CNOT6L: variants seen among roughly 807,000 people sequenced by gnomAD.
CNOT6L encodes the protein CCR4-NOT transcription complex subunit 6 like, also known as CCR4-NOT transcription complex subunit 6-like.
A neutral mutation model predicts 64.0 loss-of-function variants in CNOT6L; 7 were observed. The observed-to-expected ratio is 0.11, with a 90% CI of 0.06 to 0.21. The LOEUF (loss-of-function observed/expected upper bound fraction) is 0.21. Among genes scored for constraint, CNOT6L ranks in the 10% least tolerant of loss-of-function variants. CNOT6L has a pLI of 1.00. For synonymous variants in CNOT6L, 193 were observed against 243.4 expected (o/e 0.79, Z 1.93); for missense variants, 245 against 669.0 (o/e 0.37, Z 6.99).
At chr4:77,755,969 TTTTTTG>T (rs1233436243) in intron 5 of CNOT6L, among the ~76,000 whole-genome samples, 2 of 152,076 alleles carry the variant, frequency 1.3e-5, no homozygotes, top group South Asian at 2.1e-4. Context: ...ATAGTCTTCT[TTTTTTG>T]TTTTTGTTTT....
intron 4 of CNOT6L, among the ~76,000 whole-genome samples, chr4:77,765,497 G>A (rs1265907984): frequency 6.6e-6 from 1 of 152,148 alleles, no homozygotes; most frequent in Non-Finnish European, 1.5e-5. Flanking sequence ...AAGATTTCAA[G>A]GAATACATTA....
intron 4 of CNOT6L, among the ~76,000 whole-genome samples, chr4:77,761,099 C>T (rs114905098): frequency 0.01 from 1,594 of 151,874 alleles, 30 homozygotes; most frequent in African/African-American, 0.036. Flanking sequence ...AAGACAGAAA[C>T]TACCAAAGCT....
At chr4:77,789,652 C>A (rs1322161162) in intron 1 of CNOT6L, among the ~76,000 whole-genome samples, 2 of 150,978 alleles carry the variant, frequency 1.3e-5, no homozygotes, top group Admixed American at 1.3e-4. Context: ...AGAGGGAAAC[C>A]CCGCCTCAAA....
At chr4:77,799,685 G>A (rs1403687918) in intron 1 of CNOT6L, among the ~76,000 whole-genome samples, 2 of 147,406 alleles carry the variant, frequency 1.4e-5, no homozygotes, top group African/African-American at 5.1e-5. Context: ...GCCTAGGTGA[G>A]GGGAGTGAAA....
chr4:77,776,174 C>G (rs1198767833), intron 2 of CNOT6L, 97 bp downstream of exon 2: 1 of 1,179,994 alleles, frequency 8.5e-7, no homozygotes, highest in Non-Finnish European at 1.2e-6. Flanking sequence ...TTCAATGAGT[C>G]CATCTAATTA....
At chr4:77,722,942 A>G (rs1309328818) in intron 11 of CNOT6L, among the ~76,000 whole-genome samples, 1 of 151,120 alleles carries the variant, frequency 6.6e-6, no homozygotes, top group Non-Finnish European at 1.5e-5. Flanking sequence ...GTATAAGTCT[A>G]TAGAACTGTA....
intron 8 of CNOT6L, among the ~76,000 whole-genome samples, chr4:77,740,493 T>C (rs571831537): frequency 2.6e-5 from 4 of 152,330 alleles, no homozygotes; most frequent in African/African-American, 9.6e-5. Flanking sequence ...TTTATTACAG[T>C]AGTTAAAAGC....
At chr4:77,770,269 G>A (rs992382496) in intron 4 of CNOT6L, among the ~76,000 whole-genome samples, 1 of 152,112 alleles carries the variant, frequency 6.6e-6, no homozygotes, top group Non-Finnish European at 1.5e-5. Flanking sequence ...AAATCTTCCA[G>A]TTTCAAGACA....
chr4:77,819,427 G>A, upstream of CNOT6L: 3 of 1,590,304 alleles, frequency 1.9e-6, no homozygotes, highest in Non-Finnish European at 2.6e-6. Flanking sequence ...CCAGAGCCGC[G>A]GCCGCAGACG....
At chr4:77,796,541 C>T (rs1335813306) in intron 1 of CNOT6L, among the ~76,000 whole-genome samples, 6 of 152,158 alleles carry the variant, frequency 3.9e-5, no homozygotes, top group Admixed American at 3.9e-4. Flanking sequence ...TCTACGTTTC[C>T]TGAGGCCTCC....
intron 1 of CNOT6L, among the ~76,000 whole-genome samples, chr4:77,790,073 TC>T (rs1729950843): frequency 6.6e-6 from 1 of 151,676 alleles, no homozygotes; most frequent in Admixed American, 6.6e-5. Flanking sequence ...TCATTCCCTC[TC>T]CCCCTCCCCC....
chr4:77,713,831 C>T lies in CNOT6L; in HGVS notation c.*6600G>A, dbSNP rs1001098971. On this transcript the variant is annotated 3_prime_UTR_variant, in exon 12 of 12. Transcript: ENST00000504123. ...TCAGTAAGAGTAGAACCACTTTCTC[C>T]AGGGATGGCAGAGAGTGTTAAATGG... is the stretch of plus-strand genomic sequence containing the variant. 3.3e-5 allele frequency: 5 copies of T among 152,460 alleles called. No homozygotes were observed. The highest frequency in any genetic ancestry group is 5.9e-5 in the Non-Finnish European group (4 of 67,998). 9.4% of individuals were successfully genotyped at this position (152,460 alleles called of 1,614,324 possible). A position where few individuals can be genotyped will look rare whatever the true frequency, so the allele number is the denominator to read the frequency against.
chr4:77,816,552 T>C (rs978121816), intron 1 of CNOT6L, among the ~76,000 whole-genome samples: 2 of 152,178 alleles, frequency 1.3e-5, no homozygotes, highest in Non-Finnish European at 1.5e-5. Context: ...CCCTCAATGA[T>C]GAGAGCTTCC....
chr4:77,746,561 C>T (rs1233735580), intron 6 of CNOT6L, among the ~76,000 whole-genome samples: 3 of 152,158 alleles, frequency 2.0e-5, no homozygotes, highest in Admixed American at 2.0e-4. Context: ...AACCCAAGAA[C>T]AGATTACTTT....
intron 1 of CNOT6L, 138 bp from the exon 2 acceptor site, chr4:77,776,530 G>T: frequency 1.6e-6 from 1 of 620,444 alleles, no homozygotes; most frequent in Non-Finnish European, 2.7e-6. Context: ...CTCACTTGCA[G>T]AAAAAGAAAA....
At chr4:77,779,607 G>T (rs1209349612) in intron 1 of CNOT6L, among the ~76,000 whole-genome samples, 2 of 151,830 alleles carry the variant, frequency 1.3e-5, no homozygotes, top group Non-Finnish European at 2.9e-5. Context: ...ACCAAAGTAA[G>T]ATCAATACTG....
At chr4:77,771,998 C>T (rs1727605742) in intron 4 of CNOT6L, among the ~76,000 whole-genome samples, 1 of 152,170 alleles carries the variant, frequency 6.6e-6, no homozygotes, top group Middle Eastern at 3.2e-3. Flanking sequence ...ACACAAATTT[C>T]AGTGTTTCTA....
At position 77,803,492 on chromosome 4, in the gene CNOT6L, A is replaced by ACAAGT. The variant is rs776591885; in HGVS notation, c.5+15807_5+15811dup. 1.2e-4 allele frequency among the ~76,000 whole-genome samples: 19 copies of ACAAGT among 152,326 alleles called. No homozygotes were observed. The East Asian group carries it at 2.5e-3, about 20-fold the overall frequency. On this transcript the variant is annotated intron_variant, in intron 1 of 11. Coordinates refer to ENST00000504123, the MANE Select transcript of CNOT6L (RefSeq NM_144571.3). ...AAAAAAGTGTGCAAAAGGTGTTTAT[A>ACAAGT]CAAGTTTTTTCACTGCATTAGTGTT...
chr4:77,779,929 A>ACT (rs1299471717), intron 1 of CNOT6L, among the ~76,000 whole-genome samples: 5 of 152,148 alleles, frequency 3.3e-5, no homozygotes, highest in African/African-American at 1.2e-4. Flanking sequence ...ACCCCACTGC[A>ACT]CTCCAGCCTG....
Sources: allele counts gnomAD v4.1 joint callset (sites outside exome capture counted in the v4.1 genomes callset), GRCh38; gene constraint gnomAD v4.1.1; transcripts MANE v1.5; gene names NCBI Gene and HGNC (gene_info 2026-07-23, HGNC 2026-07-21).